The following PLEKHS1 variants were observed in gnomAD, a reference collection of about 807,000 sequenced individuals.
PLEKHS1 encodes pleckstrin homology domain containing S1.
A neutral mutation model predicts 51.0 loss-of-function variants in PLEKHS1; 55 were observed. The ratio of observed to expected loss-of-function variants is 1.08; its 90% CI spans 0.87 to 1.35. The LOEUF is 1.35. Among genes scored for constraint, PLEKHS1 ranks in the 40% most tolerant of loss-of-function variants. PLEKHS1 has a pLI of 0.00. For missense variants in PLEKHS1, 398 were observed against 423.0 expected, an observed-to-expected ratio of 0.94 and a Z score of 0.52; for synonymous variants, 153 against 144.8, an observed-to-expected ratio of 1.06 and a Z score of -0.41.
At chr10:113,755,229 G>A (rs751282020) in intron 1 of PLEKHS1, 30 bp from the exon 2 acceptor site, 28 of 1,580,382 alleles carry the variant, frequency 1.8e-5, no homozygotes, top group Admixed American at 3.7e-5. Flanking sequence ...GTGTTGTTTG[G>A]GGACTAACAC....
At chr10:113,755,613 CA>C (rs1854073662) in intron 2 of PLEKHS1, among the ~76,000 whole-genome samples, 1 of 152,114 alleles carries the variant, frequency 6.6e-6, no homozygotes, top group African/African-American at 2.4e-5. Flanking sequence ...CCATGTTGGT[CA>C]GGCTGGTCTC....
intron 9 of PLEKHS1, 86 bp from the exon 10 acceptor site, chr10:113,774,740 G>C (rs1844567598): frequency 4.1e-6 from 5 of 1,231,038 alleles, no homozygotes; most frequent in Non-Finnish European, 5.9e-6. Flanking sequence ...TCACATGGCT[G>C]TTAGCTACTT....
intron 8 of PLEKHS1, among the ~76,000 whole-genome samples, chr10:113,773,492 C>A (rs556490001): frequency 3.3e-5 from 5 of 151,114 alleles, no homozygotes; most frequent in Non-Finnish European, 7.4e-5. Flanking sequence ...GAGAGCTCTG[C>A]CGTAGCTGAG....
intron 5 of PLEKHS1, 104 bp from the exon 6 acceptor site, chr10:113,768,711 T>G: frequency 1.1e-6 from 1 of 877,656 alleles, no homozygotes; most frequent in Non-Finnish European, 1.7e-6. Context: ...ATTTCGCTGG[T>G]ACCTGCTCTC....
intron 1 of PLEKHS1, among the ~76,000 whole-genome samples, chr10:113,753,879 C>T (rs1197785664): frequency 6.7e-6 from 1 of 149,860 alleles, no homozygotes; most frequent in Admixed American, 6.6e-5. Context: ...AATGTGATCT[C>T]GGCTCACTAC....
chr10:113,752,479 A>G (rs1853887262), intron 1 of PLEKHS1, among the ~76,000 whole-genome samples: 1 of 152,312 alleles, frequency 6.6e-6, no homozygotes, highest in Middle Eastern at 3.4e-3. Flanking sequence ...GGACCTAACA[A>G]CTAGCATTTA....
At chr10:113,762,789 A>G (rs2900993) in intron 2 of PLEKHS1, among the ~76,000 whole-genome samples, 10,385 of 151,962 alleles carry the variant, frequency 0.068, 489 homozygotes, top group East Asian at 0.11. Context: ...CTCTATTGTC[A>G]TTGAGTGGAA....
chr10:113,776,273 C>T (rs1844654899), intron 11 of PLEKHS1, among the ~76,000 whole-genome samples: 1 of 152,058 alleles, frequency 6.6e-6, no homozygotes, highest in Admixed American at 6.5e-5. Context: ...TCTAAGACTT[C>T]CAGACACAAG....
exon 12 of PLEKHS1, chr10:113,780,873 C>A (rs542907778): frequency 3.3e-6 from 4 of 1,194,450 alleles, no homozygotes; most frequent in Non-Finnish European, 4.6e-6. Context: ...AGACAGTCGG[C>A]ACCCCCCTCT....
chr10:113,775,097 T>C, intron 10 of PLEKHS1, 62 bp downstream of exon 10: 1 of 1,408,060 alleles, frequency 7.1e-7, no homozygotes, highest in Non-Finnish European at 9.7e-7. Context: ...CCTCCCACTT[T>C]TTTTTTTAAC....
chr10:113,767,534 C>G (rs1327983602), intron 5 of PLEKHS1, 55 bp downstream of exon 5: 2 of 1,501,816 alleles, frequency 1.3e-6, no homozygotes, highest in East Asian at 4.8e-5. Context: ...AAAAACAAAC[C>G]AAAAAACAAA....
intron 2 of PLEKHS1, among the ~76,000 whole-genome samples, chr10:113,759,408 A>G (rs765794700): frequency 8.5e-5 from 13 of 152,114 alleles, no homozygotes; most frequent in Admixed American, 1.3e-4. Flanking sequence ...ATCACTCTTG[A>G]TGTTTTCTTG....
chr10:113,775,043 T>A lies in PLEKHS1; in HGVS notation c.989+8T>A. The A allele has an allele frequency of 6.2e-7, 1 of 1,611,718 alleles. No homozygotes were observed. Among genetic ancestry groups the A allele is most frequent in the Non-Finnish European group, 8.5e-7 (1 of 1,178,184 alleles). On this transcript the variant is annotated splice_region_variant and intron_variant, in intron 10 of 11. Coordinates refer to ENST00000361048, the Ensembl canonical transcript of PLEKHS1. The stretch of plus-strand genomic sequence containing the variant: ...ATTGTCTATATTAATCAAGTAAAGC[T>A]CTAATTTCTAAAACTTGATGGGCCC...
At chr10:113,767,516 T>G in intron 5 of PLEKHS1, 37 bp downstream of exon 5, 1 of 1,568,978 alleles carries the variant, frequency 6.4e-7, no homozygotes, top group Non-Finnish European at 8.6e-7. Flanking sequence ...ATCTACTGCA[T>G]GCAAAACAAA....
At chr10:113,766,258 G>A (rs992654584) in intron 2 of PLEKHS1, among the ~76,000 whole-genome samples, 153 bp from the exon 3 acceptor site, 6 of 152,072 alleles carry the variant, frequency 3.9e-5, no homozygotes, top group Non-Finnish European at 8.8e-5. Flanking sequence ...TCATACATTT[G>A]GTCCTTTGTT....
At chr10:113,760,747 C>A (rs1488074562) in intron 2 of PLEKHS1, among the ~76,000 whole-genome samples, 1 of 151,980 alleles carries the variant, frequency 6.6e-6, no homozygotes, top group Non-Finnish European at 1.5e-5. Flanking sequence ...AATATTTTAT[C>A]CCATTCTGTA....
intron 2 of PLEKHS1, among the ~76,000 whole-genome samples, chr10:113,760,657 T>C (rs75100933): frequency 0.17 from 25,740 of 152,080 alleles, 2,327 homozygotes; most frequent in South Asian, 0.28. Flanking sequence ...TTTAGTTGAG[T>C]TGTTTGTCTT....
exon 12 of PLEKHS1, chr10:113,782,281 C>T (rs1470112429): frequency 6.6e-6 from 1 of 152,152 alleles, no homozygotes; most frequent in Non-Finnish European, 1.5e-5. Context: ...AATCTAAAAC[C>T]AGCTCTGGGA....
chr10:113,774,185 T>C, intron 8 of PLEKHS1, 42 bp from the exon 9 acceptor site: 2 of 1,242,134 alleles, frequency 1.6e-6, no homozygotes, highest in Non-Finnish European at 1.2e-6. Context: ...ACCTGACTTA[T>C]CGGTAAACTG....
Sources: gnomAD v4.1 joint callset for allele counts (sites outside exome capture counted in the v4.1 genomes callset) on GRCh38, gnomAD v4.1.1 for gene constraint, MANE v1.5 for transcripts, NCBI Gene and HGNC (gene_info 2026-07-23, HGNC 2026-07-21) for gene names.